Variants in PIF1 observed in about 807,000 individuals in gnomAD.
The protein encoded by PIF1 is PIF1 5'-to-3' DNA helicase.
Under a neutral mutation model 62.3 loss-of-function variants are expected in PIF1, and 67 were observed. The ratio of observed to expected loss-of-function variants is 1.08; its 90% CI spans 0.88 to 1.32. The LOEUF (loss-of-function observed/expected upper bound fraction) is 1.32. PIF1 is among the 40% of genes most tolerant of loss of function. The pLI is 0.00. For synonymous variants in PIF1, 364 were observed against 379.5 expected (o/e 0.96, Z 0.47); for missense variants, 886 against 866.1 (o/e 1.02, Z -0.29).
chr15:64,816,425 A>G (rs2084183867), intron 12 of PIF1, 68 bp from the exon 13 acceptor site: 6 of 1,608,374 alleles, frequency 3.7e-6, no homozygotes, highest in Admixed American at 3.3e-5. Flanking sequence ...CCTGGGGGCC[A>G]GCATCTCTTT....
At chr15:64,826,665 T>TATATATATATATAC (rs796684934), upstream of PIF1, among the ~76,000 whole-genome samples, 7 of 42,800 alleles carry the variant, frequency 1.6e-4, no homozygotes, top group African/African-American at 2.8e-4. Flanking sequence ...TATATATATA[T>TATATATATATATAC]ACACACACAC....
intron 8 of PIF1, among the ~76,000 whole-genome samples, chr15:64,819,560 C>T (rs1021408055): frequency 2.0e-5 from 3 of 152,126 alleles, no homozygotes; most frequent in Non-Finnish European, 2.9e-5. Flanking sequence ...CTGCCTGTCT[C>T]GGCTTCCCAA....
intron 11 of PIF1, 52 bp from the exon 12 acceptor site, chr15:64,816,817 C>T (rs1168109072): frequency 6.7e-7 from 1 of 1,498,272 alleles, no homozygotes; most frequent in African/African-American, 1.4e-5. Flanking sequence ...AGTCCCTTGC[C>T]CCGAAAGGCC....
intron 10 of PIF1, 73 bp downstream of exon 10, chr15:64,818,184 T>C: frequency 1.4e-5 from 22 of 1,611,480 alleles, no homozygotes; most frequent in Non-Finnish European, 1.7e-5. Flanking sequence ...CCTAGTCTTT[T>C]TCTCCCCCCA....
chr15:64,816,513 C>A, intron 12 of PIF1, 61 bp downstream of exon 12: 1 of 1,599,812 alleles, frequency 6.3e-7, no homozygotes, highest in Non-Finnish European at 8.5e-7. Flanking sequence ...CCGGCGCTCC[C>A]TCTGTCCTAG....
chr15:64,826,691 CACAT>C (rs1567090390), upstream of PIF1, among the ~76,000 whole-genome samples: 86 of 133,304 alleles, frequency 6.5e-4, no homozygotes, highest in Non-Finnish European at 9.8e-4. Flanking sequence ...TATATACACA[CACAT>C]ATATATACAC....
At chr15:64,821,654 C>T (rs1269686027) in intron 4 of PIF1, 134 bp from the exon 5 acceptor site, 3 of 1,102,956 alleles carry the variant, frequency 2.7e-6, no homozygotes, top group East Asian at 5.4e-5. Flanking sequence ...TCACTGTAAC[C>T]TGGGCCTCAT....
At chr15:64,821,770 C>T (rs780793603) in intron 4 of PIF1, 14 of 437,716 alleles carry the variant, frequency 3.2e-5, no homozygotes, top group Non-Finnish European at 5.2e-5. Context: ...GATGGAGTCT[C>T]GCTGTGTCGC....
At chr15:64,818,759 C>T (rs1306884777) in intron 9 of PIF1, 3 of 301,984 alleles carry the variant, frequency 9.9e-6, no homozygotes, top group Non-Finnish European at 1.8e-5. Context: ...CTTCTGCCCA[C>T]CCCCAACATT....
intron 2 of PIF1, 40 bp from the exon 3 acceptor site, chr15:64,822,650 G>T (rs1005087133): frequency 1.2e-6 from 2 of 1,610,228 alleles, no homozygotes; most frequent in African/African-American, 2.7e-5. Flanking sequence ...CCTCCCACCC[G>T]CTAGGCATTG....
intron 9 of PIF1, chr15:64,818,696 C>A: frequency 3.0e-6 from 1 of 334,330 alleles, no homozygotes; most frequent in Non-Finnish European, 5.5e-6. Flanking sequence ...GTCCTGCCAC[C>A]CCTCTCAGAT....
Position 64,820,958 on chromosome 15 carries a change from C to G in PIF1, c.1193+24G>C, listed in dbSNP as rs559614532. 45 of 1,603,416 alleles carry G rather than the reference C, an allele frequency of 2.8e-5. No individual in the cohort carries two copies. The East Asian group carries it at 9.6e-4, about 34-fold the overall frequency. ...ATGCCTGGATCCTCATCCCATAGCC[C>G]CTTCCCCAACCAGCAGAGCTCACCT... is the stretch of plus-strand genomic sequence containing the variant. On this transcript the variant is annotated intron_variant, in intron 7 of 12. Transcript: ENST00000559239.
At chr15:64,826,665 T>TATATACATACACACAC (rs796684934), upstream of PIF1, among the ~76,000 whole-genome samples, 1 of 42,792 alleles carries the variant, frequency 2.3e-5, no homozygotes, top group Non-Finnish European at 4.2e-5. Context: ...TATATATATA[T>TATATACATACACACAC]ACACACACAC....
intron 2 of PIF1, 48 bp from the exon 3 acceptor site, chr15:64,822,658 T>G (rs2084308540): frequency 6.2e-7 from 1 of 1,609,254 alleles, no homozygotes; most frequent in Non-Finnish European, 8.5e-7. Flanking sequence ...CCGCTAGGCA[T>G]TGCCCCCACC....
In PIF1 at chr15:64,819,185, C is replaced by G; in HGVS notation, c.1372G>C (p.Glu458Gln). ...TGGGCATCCAGGGTACTGGCCAGCT[C>G]AGGGTTGCTGTCCATAGCCTCAAAT... is the stretch of plus-strand genomic sequence containing the variant. ...HRFEAMDSNP[E>Q]LASTLDAQCP... Residue 458 changes from glutamate (E) to glutamine (Q), a missense_variant, in exon 9 of 13, where the codon GAG (glutamate) becomes CAG (glutamine). Glu to Gln is a conservative substitution (Grantham distance 29, BLOSUM62 2). Coordinates refer to ENST00000559239, the MANE Select transcript of PIF1 (RefSeq NM_001286496.2). 6.2e-7 allele frequency: 1 copy of G among 1,604,108 alleles called. No homozygotes were observed. Among genetic ancestry groups the G allele is most frequent in the Non-Finnish European group, 8.5e-7 (1 of 1,177,064 alleles).
At chr15:64,818,148 G>C in intron 10 of PIF1, 57 bp from the exon 11 acceptor site, 1 of 1,611,614 alleles carries the variant, frequency 6.2e-7, no homozygotes, top group Non-Finnish European at 8.5e-7. Flanking sequence ...CTGAGGTGAG[G>C]AGCAGGGGCC....
chr15:64,819,596 A>T (rs2084253395), intron 8 of PIF1, among the ~76,000 whole-genome samples: 1 of 152,008 alleles, frequency 6.6e-6, no homozygotes. Flanking sequence ...GGTATGACCC[A>T]CCGCTCCCAG....
chr15:64,823,731 G>A, intron 2 of PIF1, 47 bp downstream of exon 2: 1 of 1,257,164 alleles, frequency 8.0e-7, no homozygotes, highest in Non-Finnish European at 1.0e-6. Flanking sequence ...CCATCTTAAA[G>A]AATGGCACAT....
chr15:64,818,041 C>T lies in PIF1; in HGVS notation c.1579G>A (p.Asp527Asn). 1.2e-6 allele frequency: 2 copies of T among 1,613,900 alleles called. No homozygotes were observed. The highest frequency in any genetic ancestry group is 1.7e-6 in the Non-Finnish European group (2 of 1,179,920). ...LCGVTEVIHA[D>N]RWTVQATGGQ... ...CCGGTGGCCTGCACCGTCCAGCGGTCAGCGTGGATGACCTCAGTGACTCCA... is the reference window on the plus strand; with the variant it reads ...CCGGTGGCCTGCACCGTCCAGCGGTTAGCGTGGATGACCTCAGTGACTCCA... The change falls in exon 11 of 13, where the codon GAC becomes AAC. Residue 527 changes from aspartate to asparagine, a missense_variant. By Grantham distance (23) the Asp-to-Asn change is conservative. Transcript: ENST00000559239.
Sources: gnomAD v4.1 joint callset for allele counts (sites outside exome capture counted in the v4.1 genomes callset) on GRCh38, gnomAD v4.1.1 for gene constraint, MANE v1.5 for transcripts, NCBI Gene and HGNC (gene_info 2026-07-23, HGNC 2026-07-21) for gene names.